The following ASPM variants were observed in gnomAD, a reference collection of about 807,000 sequenced individuals.
ASPM encodes the protein assembly factor for spindle microtubules.
Under a neutral mutation model 366.4 loss-of-function variants are expected in ASPM, and 256 were observed. That is an observed-to-expected ratio of 0.70 (90% CI 0.63 to 0.77). The LOEUF (loss-of-function observed/expected upper bound fraction) is 0.77, where lower values mean the gene tolerates loss of function less well. ASPM is among the 30% of genes least tolerant of loss of function. ASPM has a pLI of 0.00. For missense variants in ASPM, 4,146 were observed against 4,090.4 expected (o/e 1.01, Z -0.37); for synonymous variants, 1,414 against 1,342.9 (o/e 1.05, Z -1.16).
chr1:197,094,050 G>C (rs770585224), intron 20 of ASPM, 34 bp downstream of exon 20: 5 of 1,225,918 alleles, frequency 4.1e-6, no homozygotes, highest in Non-Finnish European at 5.9e-6. Flanking sequence ...TCCTAAAGTA[G>C]TTATTTGCAA....
At position 197,143,306 on chromosome 1, in the gene ASPM, G is replaced by T. The variant is rs748469845; in HGVS notation, c.946C>A (p.Leu316Ile). The T allele has an allele frequency of 4.3e-6, 7 of 1,613,850 alleles. No homozygotes were observed. In the Admixed American group the frequency reaches 1.2e-4, roughly 27 times the overall value. ...TTATTTACAAAAGAATCTGGACTTA[G>T]AAAATGTATTTGGCTTTGTGTAATG... is the stretch of plus-strand genomic sequence containing the variant. ...LNITQSQIHF[L>I]SPDSFVNNSH... is the part of the protein sequence containing the mutation. The change falls in exon 3 of 28, where the codon CTA becomes ATA. Residue 316 changes from leucine to isoleucine, a missense_variant. By Grantham distance (5) the Leu-to-Ile change is conservative. Coordinates refer to ENST00000367409, the MANE Select transcript of ASPM (RefSeq NM_018136.5).
intron 16 of ASPM, among the ~76,000 whole-genome samples, chr1:197,121,186 T>G (rs574405131): frequency 3.9e-5 from 6 of 152,194 alleles, no homozygotes; most frequent in African/African-American, 1.4e-4. Context: ...GTAGATGGAA[T>G]AGGGTGACAA....
rs1226333994 is a variant in ASPM at position 197,102,627 on chromosome 1, G to T, written c.6624C>A (p.Tyr2208Ter). 6.2e-7 allele frequency: 1 copy of T among 1,612,408 alleles called. No homozygotes were observed. The highest frequency in any genetic ancestry group is 8.5e-7 in the Non-Finnish European group (1 of 1,179,202). Residue 2208 changes from tyrosine to a stop codon, truncating the protein, a stop_gained, in exon 18 of 28, where the codon TAC becomes TAA. Coordinates refer to ENST00000367409, the MANE Select transcript of ASPM (RefSeq NM_018136.5). LOFTEE classifies it high-confidence loss of function. Reference sequence around the variant, plus strand: ...TTGTTATTTTCTTTAACTTATTAAAGTATGTTTGCTGTCTGTATCTTCTGT... The same window carrying T: ...TTGTTATTTTCTTTAACTTATTAAATTATGTTTGCTGTCTGTATCTTCTGT... The part of the protein sequence containing the change: ...SNYRRYRQQT[Y>*]FNKLKKITKT...
intron 10 of ASPM, among the ~76,000 whole-genome samples, chr1:197,127,917 G>A (rs980699959): frequency 6.6e-5 from 10 of 152,124 alleles, no homozygotes; most frequent in Non-Finnish European, 1.5e-4. Flanking sequence ...TGTAATCCCA[G>A]AACTTTGGGA....
In ASPM at chr1:197,103,688, G is replaced by C; in HGVS notation, c.5563C>G (p.Gln1855Glu). The change falls in exon 18 of 28, where the codon CAG becomes GAG. Residue 1855 changes from glutamine to glutamate, a missense_variant. By Grantham distance (29) the Gln-to-Glu change is conservative (BLOSUM62 2). Coordinates refer to ENST00000367409, the MANE Select transcript of ASPM (RefSeq NM_018136.5). ...GTCTTGTACGCCCTGTACCATCTCT[G>C]AATCTTTATTATAGATTGAAGCACA... Reference protein sequence around the residue: ...QSVLQSIIKIQRWYRAYKTLH... With the variant: ...QSVLQSIIKIERWYRAYKTLH... The C allele has an allele frequency of 6.2e-7, 1 of 1,612,858 alleles. No homozygotes were observed. Among genetic ancestry groups the C allele is most frequent in the Non-Finnish European group, 8.5e-7 (1 of 1,179,372 alleles).
intron 21 of ASPM, 68 bp from the exon 22 acceptor site, chr1:197,092,124 T>C: frequency 6.7e-7 from 1 of 1,489,026 alleles, no homozygotes; most frequent in Non-Finnish European, 9.3e-7. Context: ...TGTTTTTTTT[T>C]GTATAACCTC....
intron 17 of ASPM, among the ~76,000 whole-genome samples, chr1:197,114,486 G>C (rs775625356): frequency 5.9e-5 from 9 of 152,200 alleles, no homozygotes; most frequent in Non-Finnish European, 1.0e-4. Flanking sequence ...ACCCAAAGTA[G>C]AGATTCTTTT....
chr1:197,140,355 G>C (rs1436543875), intron 3 of ASPM, among the ~76,000 whole-genome samples: 1 of 152,178 alleles, frequency 6.6e-6, no homozygotes, highest in African/African-American at 2.4e-5. Flanking sequence ...AATACACGTA[G>C]GAAATGACAT....
rs587783221 is a variant in ASPM at position 197,142,522 on chromosome 1, CTCTT to C, written c.1726_1729del (p.Lys576AlafsTer10). 2 of 1,613,996 alleles carry C rather than the reference CTCTT, an allele frequency of 1.2e-6. No individual in the cohort carries two copies. Among genetic ancestry groups the C allele is most frequent in the Non-Finnish European group, 8.5e-7 (1 of 1,179,870 alleles). The stretch of plus-strand genomic sequence containing the variant: ...ATTTGCATCTTCCATGCTTCCATCG[CTCTT>C]TCTTTTCCGAGCAACTGAAGCTGTT... On this transcript the variant is annotated frameshift_variant, in exon 3 of 28. Coordinates refer to ENST00000367409, the MANE Select transcript of ASPM (RefSeq NM_018136.5). LOFTEE classifies it high-confidence loss of function.
chr1:197,115,098 G>A (rs1657704192), intron 17 of ASPM, among the ~76,000 whole-genome samples: 1 of 151,846 alleles, frequency 6.6e-6, no homozygotes, highest in Non-Finnish European at 1.5e-5. Context: ...GGCTGATCTC[G>A]AACTCCTAGC....
Position 197,139,749 on chromosome 1 carries a change from A to T in ASPM, c.2026+18T>A. On this transcript the variant is annotated intron_variant, in intron 4 of 27. Transcript: ENST00000367409. ...CGATGTCATGTTTTCAGAGAGTTTA[A>T]GTATAATAAATACTTGCCTGTTTTT... 6.6e-7 allele frequency: 1 copy of T among 1,520,586 alleles called. No homozygotes were observed. Among genetic ancestry groups the T allele is most frequent in the Non-Finnish European group, 9.1e-7 (1 of 1,095,062 alleles). The allele number at this position is 1,520,586 out of a possible 1,614,324, so 94.2% of individuals were successfully genotyped here.
chr1:197,137,593 G>A (rs537910149), intron 4 of ASPM, among the ~76,000 whole-genome samples: 6 of 152,164 alleles, frequency 3.9e-5, no homozygotes, highest in East Asian at 3.9e-4. Flanking sequence ...CGACTCTCCC[G>A]CCTCAGCCTT....
rs1289169000 is a variant in ASPM at position 197,102,101 on chromosome 1, G to A, written c.7150C>T (p.Gln2384Ter). Residue 2384 changes from glutamine (Q) to a stop codon, truncating the protein, a stop_gained, in exon 18 of 28, where the codon CAA (glutamine) becomes TAA (stop). Coordinates refer to ENST00000367409, the MANE Select transcript of ASPM (RefSeq NM_018136.5). LOFTEE classifies it high-confidence loss of function. ...TGAAGGATCACAGCAGAGTGTCTTT[G>A]TCTGAGATAATGCTGCCTCTGCAGT... is the stretch of plus-strand genomic sequence containing the variant. The part of the protein sequence containing the change: ...AKLQRQHYLR[Q>*]RHSAVILQAA... The A allele has an allele frequency of 6.2e-7, 1 of 1,612,938 alleles. No homozygotes were observed. The highest frequency in any genetic ancestry group is 1.3e-5 in the African/African-American group (1 of 74,912).
chr1:197,144,816 A>G (rs1015196259), intron 1 of ASPM, among the ~76,000 whole-genome samples: 2 of 152,224 alleles, frequency 1.3e-5, no homozygotes, highest in Non-Finnish European at 2.9e-5. Flanking sequence ...ATGACAAAAC[A>G]AATTTTGTTT....
chr1:197,104,745 T>A lies in ASPM; in HGVS notation c.4506A>T (p.Gln1502His). 6.2e-7 allele frequency: 1 copy of A among 1,603,550 alleles called. No homozygotes were observed. The highest frequency in any genetic ancestry group is 8.5e-7 in the Non-Finnish European group (1 of 1,176,164). ...TTCTTCTTTTATATAACTTTTGGGC[T>A]TGAAAGCACCGAAATCTTTTCTGAA... ...VIIQKRFRCF[Q>H]AQKLYKRRKE... The change falls in exon 18 of 28, where the codon CAA (glutamine) becomes CAT (histidine). Residue 1502 changes from glutamine to histidine, a missense_variant. By Grantham distance (24) the Gln-to-His change is conservative. Coordinates refer to ENST00000367409, the MANE Select transcript of ASPM (RefSeq NM_018136.5).
chr1:197,089,079 G>A (rs1255434599), intron 25 of ASPM, among the ~76,000 whole-genome samples: 2 of 151,918 alleles, frequency 1.3e-5, no homozygotes, highest in African/African-American at 4.8e-5. Context: ...AATGTGTATA[G>A]TAACAGTTTT....
Position 197,102,046 on chromosome 1 carries a change from C to G in ASPM, c.7205G>C (p.Arg2402Thr), listed in dbSNP as rs755628713. The G allele has an allele frequency of 2.5e-6, 4 of 1,612,952 alleles. No individual in the cohort carries two copies. In the South Asian group the frequency reaches 4.4e-5, roughly 18 times the overall value. The change falls in exon 18 of 28, where the codon AGA (arginine) becomes ACA (threonine). Residue 2402 changes from arginine to threonine, a missense_variant. By Grantham distance (71) the Arg-to-Thr change is moderately conservative. Around this residue, in one of 3 missense-constraint regions of ASPM, gnomAD observed 3,624 missense variants for 3,591.7 expected, o/e 1.01. Coordinates refer to ENST00000367409, the MANE Select transcript of ASPM (RefSeq NM_018136.5). ...AGAGGAATGCATACTCTTCAAATGT[C>G]TTCTAGTTTTCATACCCCTGAATGC... Reference protein sequence around the residue: ...QAAFRGMKTRRHLKSMHSSAT... With the variant: ...QAAFRGMKTRTHLKSMHSSAT...
chr1:197,124,018 T>A (rs182954848), intron 13 of ASPM, 92 bp downstream of exon 13: 37 of 1,124,802 alleles, frequency 3.3e-5, no homozygotes, highest in Non-Finnish European at 2.6e-6. Flanking sequence ...AACTAAGAAA[T>A]TCAAGAAAAG....
rs754989178 is a variant in ASPM at position 197,102,478 on chromosome 1, T to A, written c.6773A>T (p.His2258Leu). The change falls in exon 18 of 28, where the codon CAT becomes CTT. Residue 2258 changes from histidine (H) to leucine (L), a missense_variant. Coordinates refer to ENST00000367409, the MANE Select transcript of ASPM (RefSeq NM_018136.5). ...AIFRGKKARRHLKMMHIAATL... is the reference protein window; with the variant it reads ...AIFRGKKARRLLKMMHIAATL... The stretch of plus-strand genomic sequence containing the variant: ...TGCGGCTATATGCATCATTTTTAAA[T>A]GTCTTCTAGCTTTCTTTCCCCTAAA... 6.2e-7 allele frequency: 1 copy of A among 1,612,762 alleles called. No homozygotes were observed. Among genetic ancestry groups the A allele is most frequent in the Non-Finnish European group, 8.5e-7 (1 of 1,179,280 alleles).
Sources: allele counts gnomAD v4.1 joint callset (sites outside exome capture counted in the v4.1 genomes callset), GRCh38; gene constraint gnomAD v4.1.1; regional missense constraint gnomAD v4.1.1; transcripts MANE v1.5; gene names NCBI Gene and HGNC (gene_info 2026-07-23, HGNC 2026-07-21).